Variants in SEZ6L2 observed in about 807,000 individuals in gnomAD.
The protein encoded by SEZ6L2 is seizure 6-like protein 2.
A neutral mutation model predicts 97.0 loss-of-function variants in SEZ6L2; 44 were observed. The observed-to-expected ratio is 0.45, with a 90% CI of 0.36 to 0.58. The LOEUF (loss-of-function observed/expected upper bound fraction) is 0.58, where lower values mean the gene tolerates loss of function less well. Among genes scored for constraint, SEZ6L2 ranks in the 20% least tolerant of loss-of-function variants. The pLI is 0.00. For missense variants in SEZ6L2, 1,086 were observed against 1,233.3 expected (o/e 0.88, Z 1.79); for synonymous variants, 543 against 546.1 (o/e 0.99, Z 0.08).
chr16:29,895,141 T>C, intron 5 of SEZ6L2, 118 bp downstream of exon 5: 1 of 863,374 alleles, frequency 1.2e-6, no homozygotes, highest in Non-Finnish European at 1.8e-6. Context: ...ATCACGCCAC[T>C]GACCTCCAGT....
At position 29,895,446 on chromosome 16, in the gene SEZ6L2, G is replaced by C. The variant is rs780627235; in HGVS notation, c.666C>G (p.Asn222Lys). 1 of 1,614,020 alleles carries C rather than the reference G, an allele frequency of 6.2e-7. No homozygotes were observed. Among genetic ancestry groups the C allele is most frequent in the South Asian group, 1.1e-5 (1 of 91,086 alleles). Reference sequence around the variant, plus strand: ...CCAGGAGCTCCTCTTCCTGTGACAGGTTCAGCGTCTGCACCTAGAGAAGCC... The same window carrying C: ...CCAGGAGCTCCTCTTCCTGTGACAGCTTCAGCGTCTGCACCTAGAGAAGCC... The part of the protein sequence containing the change: ...YGIEIQVQTL[N>K]LSQEEELLVL... The change falls in exon 5 of 18, where the codon AAC becomes AAG. Residue 222 changes from asparagine (N) to lysine (K), a missense_variant. Coordinates refer to ENST00000617533, the MANE Select transcript of SEZ6L2 (RefSeq NM_001243332.2).
At chr16:29,875,630 G>A (rs549699668) in intron 12 of SEZ6L2, among the ~76,000 whole-genome samples, 11 of 148,950 alleles carry the variant, frequency 7.4e-5, no homozygotes, top group Non-Finnish European at 1.6e-4. Flanking sequence ...ATTCCTTTCT[G>A]CTCTTCAATT....
At chr16:29,888,933 C>G (rs570771136) in intron 5 of SEZ6L2, among the ~76,000 whole-genome samples, 1 of 152,080 alleles carries the variant, frequency 6.6e-6, no homozygotes, top group Non-Finnish European at 1.5e-5. Flanking sequence ...TTATCTCCCC[C>G]ACTCATTGTA....
rs1394031028 is a variant in SEZ6L2, at chr16:29,873,777, C to A, written c.2105-48G>T. ...AGGGGGAGCGAGGGCCTTCAAAGAT[C>A]AGCCTGGGCAACACAGAGAGACCCC... On this transcript the variant is annotated intron_variant, in intron 12 of 17. Coordinates refer to ENST00000617533, the MANE Select transcript of SEZ6L2 (RefSeq NM_001243332.2). This position sits in a 1 kb window ranked among gnomAD's most constrained non-coding sequence, Gnocchi z 4.3. 6 of 1,493,376 alleles carry A rather than the reference C, an allele frequency of 4.0e-6. No individual in the cohort carries two copies. The highest frequency in any genetic ancestry group is 3.6e-6 in the Non-Finnish European group (4 of 1,117,672). The allele number at this position is 1,493,376 out of a possible 1,614,324, so 92.5% of individuals were successfully genotyped here.
intron 1 of SEZ6L2, among the ~76,000 whole-genome samples, chr16:29,898,425 C>T (rs920483226): frequency 6.0e-5 from 8 of 134,402 alleles, no homozygotes; most frequent in Non-Finnish European, 1.2e-4. Context: ...GCTGTCTTTT[C>T]TCTCTCTCTC....
In SEZ6L2 at chr16:29,871,514, G is replaced by A. The variant is rs752257178; in HGVS notation, c.*185C>T. On this transcript the variant is annotated 3_prime_UTR_variant, in exon 18 of 18. Transcript: ENST00000617533. ...CAACTGAGAAGAGGCGGCTTTGGGC[G>A]GCAGGATGCTGGTTTATTTACTGTA... 27 of 655,890 alleles carry A rather than the reference G, an allele frequency of 4.1e-5. No homozygotes were observed. The highest frequency in any genetic ancestry group is 8.2e-5 in the East Asian group (3 of 36,518). The allele number at this position is 655,890 out of a possible 1,614,324, so 40.6% of individuals were successfully genotyped here. A position where few individuals can be genotyped will look rare whatever the true frequency, so the allele number is the denominator to read the frequency against.
At chr16:29,897,205 G>T in intron 2 of SEZ6L2, 84 bp from the exon 3 acceptor site, 1 of 1,206,376 alleles carries the variant, frequency 8.3e-7, no homozygotes, top group Non-Finnish European at 1.1e-6. Context: ...GAAGCTAGGG[G>T]TTCCCCTGCC....
chr16:29,893,069 A>G (rs935889816), intron 5 of SEZ6L2, among the ~76,000 whole-genome samples: 8 of 152,208 alleles, frequency 5.3e-5, no homozygotes, highest in Non-Finnish European at 1.2e-4. Context: ...TCACGCCTGT[A>G]ATCTCAGCAC....
chr16:29,884,274 T>C (rs1196486706), intron 8 of SEZ6L2, among the ~76,000 whole-genome samples: 1 of 152,052 alleles, frequency 6.6e-6, no homozygotes, highest in African/African-American at 2.4e-5. Context: ...AATATATGAG[T>C]GTTCTCTCTG....
At chr16:29,895,691 C>T (rs769316685) in intron 4 of SEZ6L2, 30 bp downstream of exon 4, 11 of 1,599,452 alleles carry the variant, frequency 6.9e-6, no homozygotes, top group South Asian at 1.1e-5. Flanking sequence ...GGCTTGGAAG[C>T]TGCACAGTCA....
intron 10 of SEZ6L2, 140 bp downstream of exon 10, chr16:29,878,147 C>T (rs1441179533): frequency 9.4e-7 from 1 of 1,061,252 alleles, no homozygotes; most frequent in Non-Finnish European, 1.3e-6. Flanking sequence ...CTATCCTGTA[C>T]CCTTAGTGCA....
At chr16:29,877,610 G>T in intron 10 of SEZ6L2, 143 bp from the exon 11 acceptor site, 1 of 784,696 alleles carries the variant, frequency 1.3e-6, no homozygotes. Context: ...GTCTGGCGCC[G>T]CCTCCGTTTT....
Position 29,876,831 on chromosome 16 carries a change from C to T in SEZ6L2, c.2029G>A (p.Glu677Lys), listed in dbSNP as rs755236488. The T allele has an allele frequency of 3.1e-6, 5 of 1,610,588 alleles. 1 individual carries two copies. In the African/African-American group the frequency reaches 5.3e-5, roughly 17 times the overall value. ...GTGAGAATGTCGGAGCCTAGCAGCT[C>T]GTAGCCAGGCTCGCACTGGTAGGTG... ...VLTYQCEPGY[E>K]LLGSDILTCQ... Residue 677 changes from glutamate (E) to lysine (K), a missense_variant, in exon 12 of 18, where the codon GAG becomes AAG. Physicochemically the swap from Glu to Lys is moderately conservative, Grantham distance 56. Coordinates refer to ENST00000617533, the MANE Select transcript of SEZ6L2 (RefSeq NM_001243332.2). This position sits in a 1 kb window ranked among gnomAD's most constrained non-coding sequence, Gnocchi z 6.5.
At position 29,873,833 on chromosome 16, in the gene SEZ6L2, G is replaced by A. The variant is rs8059343; in HGVS notation, c.2105-104C>T. ...TACAAAAAATTGAAAAATTAGCCAGGAGTGGTGGCGCACTCCTGTGGTTCC... is the reference window on the plus strand; with the variant it reads ...TACAAAAAATTGAAAAATTAGCCAGAAGTGGTGGCGCACTCCTGTGGTTCC... On this transcript the variant is annotated intron_variant, in intron 12 of 17. Coordinates refer to ENST00000617533, the MANE Select transcript of SEZ6L2 (RefSeq NM_001243332.2). The surrounding 1 kb of genome is among the most constrained non-coding windows in gnomAD (Gnocchi z 4.3). 0.033 allele frequency: 33,609 copies of A among 1,024,058 alleles called. 4,114 individuals are homozygous for A. The highest frequency in any genetic ancestry group is 0.29 in the African/African-American group (18,280 of 62,116). The allele number at this position is 1,024,058 out of a possible 1,614,324, so 63.4% of individuals were successfully genotyped here. A position where few individuals can be genotyped will look rare whatever the true frequency, so the allele number is the denominator to read the frequency against.
At position 29,876,949 on chromosome 16, in the gene SEZ6L2, C is replaced by T; in HGVS notation, c.1911G>A (p.Glu637=). The T allele has an allele frequency of 1.2e-6, 2 of 1,601,768 alleles. No homozygotes were observed. The highest frequency in any genetic ancestry group is 2.2e-5 in the South Asian group (2 of 90,748). ...LGQGFVLHFK[E]VPRNDTCPEL... Reference sequence around the variant, plus strand: ...CGGGGCACGTGTCGTTCCTCGGGACCTCTGCAGGGGAGGGAAGGCGAGTTT... The same window carrying T: ...CGGGGCACGTGTCGTTCCTCGGGACTTCTGCAGGGGAGGGAAGGCGAGTTT... Residue 637 remains glutamate, a splice_region_variant and synonymous_variant, in exon 12 of 18, where the codon GAG becomes GAA. Coordinates refer to ENST00000617533, the MANE Select transcript of SEZ6L2 (RefSeq NM_001243332.2). The surrounding 1 kb of genome is among the most constrained non-coding windows in gnomAD (Gnocchi z 6.5).
At chr16:29,881,954 T>A (rs764199702) in intron 8 of SEZ6L2, among the ~76,000 whole-genome samples, 16 of 148,730 alleles carry the variant, frequency 1.1e-4, no homozygotes, top group African/African-American at 3.0e-4. Context: ...TTGAGATTTT[T>A]AATTTTATTT....
intron 5 of SEZ6L2, among the ~76,000 whole-genome samples, chr16:29,891,319 C>T (rs936842111): frequency 2.6e-5 from 4 of 152,068 alleles, no homozygotes; most frequent in Non-Finnish European, 5.9e-5. Flanking sequence ...CTACCTTGGC[C>T]TCCCAAAGTG....
chr16:29,899,053 C>T lies in SEZ6L2; in HGVS notation c.-34G>A, dbSNP rs1348309125. On this transcript the variant is annotated 5_prime_UTR_variant, in exon 1 of 18. Coordinates refer to ENST00000617533, the MANE Select transcript of SEZ6L2 (RefSeq NM_001243332.2). The stretch of plus-strand genomic sequence containing the variant: ...ACCCCGATCTCTCTCCTCTGTGCCT[C>T]TCTAAGTAATCTGGCTGCCACCTTT... 8.6e-6 allele frequency: 13 copies of T among 1,514,456 alleles called. No homozygotes were observed. The highest frequency in any genetic ancestry group is 1.8e-5 in the Admixed American group (1 of 56,282). The allele number at this position is 1,514,456 out of a possible 1,614,324, so 93.8% of individuals were successfully genotyped here. A position where few individuals can be genotyped will look rare whatever the true frequency, so the allele number is the denominator to read the frequency against.
rs1404086080 is a variant in SEZ6L2, at chr16:29,876,374, A to G, written c.2104+382T>C. On this transcript the variant is annotated intron_variant, in intron 12 of 17. Transcript: ENST00000617533. This position sits in a 1 kb window ranked among gnomAD's most constrained non-coding sequence, Gnocchi z 6.5. ...GGCGGGGCGTAGGACAGGAAGGTGG[A>G]GCCAAGTGTGGACCCGGGGAGCCCA... 6.6e-6 allele frequency among the ~76,000 whole-genome samples: 1 copy of G among 151,708 alleles called. No individual in the cohort carries two copies. The highest frequency in any genetic ancestry group is 2.4e-5 in the African/African-American group (1 of 41,270).
Sources: allele counts gnomAD v4.1 joint callset (sites outside exome capture counted in the v4.1 genomes callset), GRCh38; gene constraint gnomAD v4.1.1; non-coding constraint Gnocchi (gnomAD v3.1); transcripts MANE v1.5; gene names NCBI Gene and HGNC (gene_info 2026-07-23, HGNC 2026-07-21).